The following AAK1 variants were observed in gnomAD, a reference collection of about 807,000 sequenced individuals.
The protein encoded by AAK1 is AP2 associated kinase 1.
Under a neutral mutation model 116.0 loss-of-function variants are expected in AAK1, and 37 were observed. The ratio of observed to expected loss-of-function variants is 0.32; its 90% confidence interval spans 0.25 to 0.42. The LOEUF is 0.42. AAK1 is among the 10% of genes least tolerant of loss of function. The pLI is 1.00. For synonymous variants in AAK1, 458 were observed against 439.9 expected (o/e 1.04, Z -0.51); for missense variants, 919 against 1,170.6 (o/e 0.79, Z 3.14).
intron 2 of AAK1, among the ~76,000 whole-genome samples, chr2:69,596,678 T>C (rs1263851376): frequency 6.6e-6 from 1 of 152,242 alleles, no homozygotes; most frequent in Non-Finnish European, 1.5e-5. Flanking sequence ...TTCATGCTTT[T>C]CTGGAGCATG....
At chr2:69,576,390 T>C (rs1672316598) in intron 2 of AAK1, among the ~76,000 whole-genome samples, 2 of 152,216 alleles carry the variant, frequency 1.3e-5, no homozygotes, top group South Asian at 2.1e-4. Flanking sequence ...TTATTAATTA[T>C]GTAGGTAAAC....
chr2:69,567,003 T>A (rs559176546), intron 2 of AAK1, among the ~76,000 whole-genome samples: 4 of 152,262 alleles, frequency 2.6e-5, no homozygotes, highest in African/African-American at 9.6e-5. Context: ...TTCTCACCCC[T>A]CTTAGAATAA....
intron 2 of AAK1, among the ~76,000 whole-genome samples, chr2:69,575,898 T>C (rs1406408618): frequency 6.6e-6 from 1 of 152,230 alleles, no homozygotes; most frequent in Admixed American, 6.5e-5. Context: ...TCTGATACTT[T>C]GTTCATGGAA....
At chr2:69,581,780 C>T (rs893362156) in intron 2 of AAK1, among the ~76,000 whole-genome samples, 1 of 151,936 alleles carries the variant, frequency 6.6e-6, no homozygotes, top group East Asian at 1.9e-4. Flanking sequence ...AATTTGAGAC[C>T]GGCCTGGGCA....
intron 2 of AAK1, among the ~76,000 whole-genome samples, chr2:69,578,950 C>T (rs1439086533): frequency 2.6e-5 from 4 of 152,048 alleles, no homozygotes; most frequent in Non-Finnish European, 4.4e-5. Flanking sequence ...ACTACAGGTG[C>T]GTGCCACCAT....
intron 2 of AAK1, among the ~76,000 whole-genome samples, chr2:69,639,838 C>T (rs775638819): frequency 8.6e-5 from 13 of 152,028 alleles, no homozygotes; most frequent in Non-Finnish European, 1.3e-4. Context: ...CTCGGGGACT[C>T]ACAGAGAAGA....
intron 5 of AAK1, among the ~76,000 whole-genome samples, chr2:69,541,227 CTTTTTTTTTTT>C (rs545915571): frequency 1.0e-4 from 13 of 125,286 alleles, no homozygotes; most frequent in Non-Finnish European, 1.5e-4. Context: ...TTTTATACTT[CTTTTTTTTTTT>C]TTTTTTTTTT....
chr2:69,470,189 G>A lies in AAK1; in HGVS notation c.*5680C>T, dbSNP rs868477251. ...TCCTCATACCAAAAACTGAAAGAACGGTTACAGGGAGTATCAAAGATATGA... is the reference window on the plus strand; with the variant it reads ...TCCTCATACCAAAAACTGAAAGAACAGTTACAGGGAGTATCAAAGATATGA... On this transcript the variant is annotated 3_prime_UTR_variant, in exon 22 of 22. Coordinates refer to ENST00000409085, the MANE Select transcript of AAK1 (RefSeq NM_014911.5). 23 of 985,330 alleles carry A rather than the reference G, an allele frequency of 2.3e-5. 1 individual carries two copies. In the Middle Eastern group the frequency reaches 4.2e-3, roughly 179 times the overall value. The allele number at this position is 985,330 out of a possible 1,614,324, so 61.0% of individuals were successfully genotyped here. A position where few individuals can be genotyped will look rare whatever the true frequency, so the allele number is the denominator to read the frequency against.
chr2:69,504,796 T>C, intron 16 of AAK1, among the ~76,000 whole-genome samples: 1 of 152,178 alleles, frequency 6.6e-6, no homozygotes, highest in East Asian at 1.9e-4. Flanking sequence ...ATGTGTATTC[T>C]GGTCAGGGAG....
chr2:69,595,313 A>C (rs1473872453), intron 2 of AAK1, among the ~76,000 whole-genome samples: 1 of 152,118 alleles, frequency 6.6e-6, no homozygotes, highest in Admixed American at 6.5e-5. Flanking sequence ...ACGGGGTTTC[A>C]CCAAGTTGGC....
At chr2:69,486,234 T>G (rs2104907011) in intron 17 of AAK1, among the ~76,000 whole-genome samples, 2 of 152,230 alleles carry the variant, frequency 1.3e-5, no homozygotes, top group South Asian at 4.1e-4. Context: ...GTTGCTGACA[T>G]TACAGGTATG....
At chr2:69,518,902 TCA>T in intron 12 of AAK1, 50 bp downstream of exon 12, 1 of 1,479,126 alleles carries the variant, frequency 6.8e-7, no homozygotes, top group Non-Finnish European at 9.0e-7. Flanking sequence ...GTGGGCCTTT[TCA>T]CAGTCATGAC....
chr2:69,619,670 G>A (rs183460126), intron 2 of AAK1, among the ~76,000 whole-genome samples: 2 of 152,280 alleles, frequency 1.3e-5, no homozygotes, highest in East Asian at 1.9e-4. Flanking sequence ...TTAATGGAAT[G>A]GTCAGGGAAG....
chr2:69,561,658 C>T (rs1282427732), intron 2 of AAK1, among the ~76,000 whole-genome samples: 1 of 152,098 alleles, frequency 6.6e-6, no homozygotes, highest in Non-Finnish European at 1.5e-5. Flanking sequence ...GATGAGTTTT[C>T]GCAACTGTAT....
chr2:69,589,923 G>A (rs1672957385), intron 2 of AAK1, among the ~76,000 whole-genome samples: 1 of 151,890 alleles, frequency 6.6e-6, no homozygotes, highest in Non-Finnish European at 1.5e-5. Flanking sequence ...CTCCACAGAA[G>A]AAAGCCAAGC....
At chr2:69,516,983 T>C (rs1676608872) in intron 12 of AAK1, 1 of 152,126 alleles carries the variant, frequency 6.6e-6, no homozygotes, top group South Asian at 2.1e-4. Context: ...TGATTAGTAG[T>C]GGGATCCTGC....
intron 6 of AAK1, 24 bp from the exon 7 acceptor site, chr2:69,530,730 T>C (rs1268346489): frequency 6.4e-7 from 1 of 1,553,272 alleles, no homozygotes; most frequent in East Asian, 2.2e-5. Flanking sequence ...ATTCATTTTT[T>C]ATTAAATATG....
chr2:69,577,478 T>A (rs1672360412), intron 2 of AAK1, among the ~76,000 whole-genome samples: 1 of 151,912 alleles, frequency 6.6e-6, no homozygotes, highest in Non-Finnish European at 1.5e-5. Flanking sequence ...GAAGAAGAAA[T>A]GGTGCCCTAA....
chr2:69,495,642 C>T (rs1249634325), intron 17 of AAK1, among the ~76,000 whole-genome samples: 3 of 152,184 alleles, frequency 2.0e-5, no homozygotes, highest in Non-Finnish European at 4.4e-5. Context: ...CATGTGCTTA[C>T]AGCCTCCCCA....
Sources: gnomAD v4.1 joint callset for allele counts (sites outside exome capture counted in the v4.1 genomes callset) on GRCh38, gnomAD v4.1.1 for gene constraint, MANE v1.5 for transcripts, NCBI Gene and HGNC (gene_info 2026-07-23, HGNC 2026-07-21) for gene names.